SLC60A1: variants seen among roughly 807,000 people sequenced by gnomAD.
SLC60A1 encodes solute carrier family 60 member 1.
the SLC60A1 span, chr1:205,579,785 T>C: frequency 6.2e-7 from 1 of 1,614,140 alleles, no homozygotes; most frequent in Non-Finnish European, 8.5e-7. Context: ...GTTCACCTCC[T>C]CTCTGGCCAT....
the SLC60A1 span, chr1:205,584,080 G>A: frequency 1.2e-6 from 2 of 1,614,078 alleles, no homozygotes; most frequent in South Asian, 1.1e-5. Flanking sequence ...CTCCTGAGAA[G>A]GAAGATGCCT....
chr1:205,574,710 T>C, the SLC60A1 span, among the ~76,000 whole-genome samples: 6 of 152,144 alleles, frequency 3.9e-5, no homozygotes, highest in African/African-American at 1.4e-4. Flanking sequence ...AAGCTGACTC[T>C]TGCGCGACAG....
the SLC60A1 span, chr1:205,586,221 T>G: frequency 4.3e-6 from 7 of 1,612,488 alleles, no homozygotes; most frequent in South Asian, 6.6e-5. Flanking sequence ...AGCAGCTGAA[T>G]AGCCTCCTCT....
the SLC60A1 span, chr1:205,569,223 C>G: frequency 6.4e-7 from 1 of 1,563,956 alleles, no homozygotes; most frequent in Non-Finnish European, 8.7e-7. Flanking sequence ...CTCGCTGCCC[C>G]AGATCTCCTG....
At chr1:205,596,358 T>C in the SLC60A1 span, among the ~76,000 whole-genome samples, 1 of 151,488 alleles carries the variant, frequency 6.6e-6, no homozygotes, top group Non-Finnish European at 1.5e-5. Context: ...GAGAGGAACA[T>C]TACTGATGGA....
the SLC60A1 span, among the ~76,000 whole-genome samples, chr1:205,595,357 C>T: frequency 6.6e-6 from 1 of 152,184 alleles, no homozygotes; most frequent in Non-Finnish European, 1.5e-5. Context: ...CCATCTCGCC[C>T]CTTTATCTTC....
the SLC60A1 span, among the ~76,000 whole-genome samples, chr1:205,574,278 C>G: frequency 6.6e-5 from 10 of 151,826 alleles, no homozygotes; most frequent in African/African-American, 2.2e-4. Flanking sequence ...GAGACCTTGT[C>G]TCAAAAAAAA....
chr1:205,593,181 C>A, the SLC60A1 span, among the ~76,000 whole-genome samples: 7 of 151,942 alleles, frequency 4.6e-5, no homozygotes, highest in Admixed American at 3.3e-4. Flanking sequence ...TTAAGATAAG[C>A]GATTTCTGGC....
the SLC60A1 span, chr1:205,586,035 G>A: frequency 6.3e-7 from 1 of 1,596,228 alleles, no homozygotes; most frequent in Non-Finnish European, 8.5e-7. Context: ...TCTCCACAGG[G>A]TGCCTATTCC....
the SLC60A1 span, chr1:205,600,767 TG>T: frequency 6.4e-6 from 2 of 313,802 alleles, no homozygotes; most frequent in Non-Finnish European, 1.2e-5. Flanking sequence ...ACCTCATGCA[TG>T]GACCATACTC....
At chr1:205,584,840 T>G in the SLC60A1 span, 5 of 1,594,140 alleles carry the variant, frequency 3.1e-6, no homozygotes, top group Middle Eastern at 1.7e-4. Context: ...GAGCAGAAGC[T>G]GAGACTCACC....
the SLC60A1 span, among the ~76,000 whole-genome samples, chr1:205,594,113 A>G: frequency 1.3e-5 from 2 of 152,286 alleles, no homozygotes; most frequent in South Asian, 4.1e-4. Flanking sequence ...TCTGCTACTC[A>G]GGACATCATG....
the SLC60A1 span, among the ~76,000 whole-genome samples, chr1:205,594,186 G>C: frequency 6.6e-6 from 1 of 152,198 alleles, no homozygotes; most frequent in East Asian, 1.9e-4. Flanking sequence ...CCTAACAACA[G>C]GACAGCCACG....
the SLC60A1 span, among the ~76,000 whole-genome samples, chr1:205,574,927 C>T: frequency 6.6e-6 from 1 of 152,186 alleles, no homozygotes; most frequent in Non-Finnish European, 1.5e-5. Context: ...CCCCAAAGAC[C>T]AGTTTGTCTG....
At chr1:205,591,504 G>GAAA in the SLC60A1 span, among the ~76,000 whole-genome samples, 14 of 71,772 alleles carry the variant, frequency 2.0e-4, no homozygotes, top group East Asian at 4.0e-4. Flanking sequence ...AAAAAAAAAG[G>GAAA]AAAGAAAAGA....
chr1:205,597,900 T>C, the SLC60A1 span: 1 of 1,576,118 alleles, frequency 6.3e-7, no homozygotes, highest in Non-Finnish European at 8.7e-7. Context: ...AGCACTCCTC[T>C]GACAGGTGAG....
the SLC60A1 span, chr1:205,599,102 C>T: frequency 3.7e-6 from 6 of 1,612,414 alleles, no homozygotes; most frequent in African/African-American, 6.7e-5. Context: ...TTTTAATTGT[C>T]TGTCTCTCTG....
At chr1:205,592,828 G>A in the SLC60A1 span, among the ~76,000 whole-genome samples, 1 of 152,198 alleles carries the variant, frequency 6.6e-6, no homozygotes, top group Non-Finnish European at 1.5e-5. Flanking sequence ...CATTTTGTGC[G>A]ATATGGATGT....
At chr1:205,585,046 C>G in the SLC60A1 span, 7 of 1,429,004 alleles carry the variant, frequency 4.9e-6, no homozygotes, top group African/African-American at 1.4e-5. This position sits in a 1 kb window ranked among gnomAD's most constrained non-coding sequence, Gnocchi z 4.2. Context: ...CCCCAGACTC[C>G]AGTCTGGGAA....
Sources: gnomAD v4.1 joint callset for allele counts (sites outside exome capture counted in the v4.1 genomes callset) on GRCh38, gnomAD v4.1.1 for gene constraint, Gnocchi (gnomAD v3.1) non-coding constraint, MANE v1.5 for transcripts, NCBI Gene and HGNC (gene_info 2026-07-23, HGNC 2026-07-21) for gene names.